Variants in PDE10A observed in about 807,000 individuals in gnomAD.
PDE10A encodes the protein cAMP and cAMP-inhibited cGMP 3',5'-cyclic phosphodiesterase 10A.
Under a neutral mutation model 97.7 loss-of-function variants are expected in PDE10A, and 39 were observed. The ratio of observed to expected loss-of-function variants is 0.40; its 90% confidence interval spans 0.31 to 0.52. The LOEUF (loss-of-function observed/expected upper bound fraction) is 0.52, where lower values mean the gene tolerates loss of function less well. Among genes scored for constraint, PDE10A ranks in the 20% least tolerant of loss-of-function variants. The pLI is 0.56. For missense variants in PDE10A, 731 were observed against 1,047.8 expected (o/e 0.70, Z 4.17); for synonymous variants, 371 against 376.8 (o/e 0.98, Z 0.18).
chr6:165,623,680 G>C, intron 1 of PDE10A, among the ~76,000 whole-genome samples: 1 of 152,166 alleles, frequency 6.6e-6, no homozygotes, highest in East Asian at 1.9e-4. Context: ...GGGGTCACCA[G>C]TGGCCTCTCA....
intron 1 of PDE10A, among the ~76,000 whole-genome samples, chr6:165,767,908 T>C (rs1024181645): frequency 6.6e-6 from 1 of 152,242 alleles, no homozygotes; most frequent in African/African-American, 2.4e-5. Context: ...ATGAGGGTTC[T>C]AATTTCTCCA....
At chr6:165,689,636 A>T (rs960548477) in intron 1 of PDE10A, among the ~76,000 whole-genome samples, 1 of 152,084 alleles carries the variant, frequency 6.6e-6, no homozygotes. Context: ...TCACTATGCG[A>T]TGCACCAGTC....
intron 13 of PDE10A, among the ~76,000 whole-genome samples, chr6:165,404,986 C>T (rs1382017175): frequency 2.6e-5 from 4 of 152,046 alleles, no homozygotes; most frequent in African/African-American, 9.7e-5. Context: ...CACCTACTGT[C>T]TATGGCACCA....
intron 1 of PDE10A, among the ~76,000 whole-genome samples, chr6:165,714,939 G>T (rs938602950): frequency 4.0e-5 from 3 of 75,728 alleles, no homozygotes; most frequent in African/African-American, 3.8e-4. Context: ...AACCCCCTCA[G>T]TGGGTTGTTC....
intron 18 of PDE10A, among the ~76,000 whole-genome samples, chr6:165,358,303 T>C (rs1319832525): frequency 6.6e-6 from 1 of 151,982 alleles, no homozygotes; most frequent in Admixed American, 6.6e-5. Context: ...TATAAAACTC[T>C]CCAACTAGGA....
At chr6:165,515,978 C>A (rs1490501123) in intron 2 of PDE10A, among the ~76,000 whole-genome samples, 1 of 152,144 alleles carries the variant, frequency 6.6e-6, no homozygotes, top group Non-Finnish European at 1.5e-5. Context: ...AGAGAGCAAT[C>A]TACTCCAAAG....
At chr6:165,368,679 G>C (rs1029590746) in intron 18 of PDE10A, among the ~76,000 whole-genome samples, 6 of 152,176 alleles carry the variant, frequency 3.9e-5, no homozygotes, top group Non-Finnish European at 7.3e-5. Context: ...AAAAAGCAGT[G>C]ATTTCAGACT....
At chr6:165,880,930 T>C (rs1323308862) in intron 1 of PDE10A, among the ~76,000 whole-genome samples, 1 of 152,254 alleles carries the variant, frequency 6.6e-6, no homozygotes, top group African/African-American at 2.4e-5. Flanking sequence ...CATATGTTTC[T>C]AATTCCTTTA....
chr6:165,594,277 C>T (rs1479581890), intron 1 of PDE10A, among the ~76,000 whole-genome samples: 1 of 151,994 alleles, frequency 6.6e-6, no homozygotes, highest in Non-Finnish European at 1.5e-5. Context: ...AAATGTTGTG[C>T]CAAGAGAGCA....
In PDE10A at chr6:165,661,827, C is replaced by T; in HGVS notation, c.865+120G>A. 3 of 580,168 alleles carry T rather than the reference C, an allele frequency of 5.2e-6. No individual in the cohort carries two copies. Among genetic ancestry groups the T allele is most frequent in the Non-Finnish European group, 9.5e-6 (3 of 315,636 alleles). The allele number at this position is 580,168 out of a possible 1,614,324, so 35.9% of individuals were successfully genotyped here. A position where few individuals can be genotyped will look rare whatever the true frequency, so the allele number is the denominator to read the frequency against. On this transcript the variant is annotated intron_variant, in intron 1 of 21. Coordinates refer to ENST00000539869, the MANE Select transcript of PDE10A (RefSeq NM_001385079.1). The surrounding 1 kb of genome is among the most constrained non-coding windows in gnomAD (Gnocchi z 4.8). ...CCAGAGAAGCCCCCTGGGCGCTCCA[C>T]GCCCGGGCACGGGCACCTCGCTCGA...
At chr6:165,335,342 C>T (rs141557561) in intron 21 of PDE10A, among the ~76,000 whole-genome samples, 16 of 152,226 alleles carry the variant, frequency 1.1e-4, no homozygotes, top group African/African-American at 3.9e-4. Flanking sequence ...CCTCTTCCTG[C>T]ACAGGCATCC....
chr6:165,816,246 G>T (rs552487793), intron 1 of PDE10A, among the ~76,000 whole-genome samples: 2 of 152,230 alleles, frequency 1.3e-5, no homozygotes, highest in African/African-American at 4.8e-5. Context: ...ACTGCGCCTG[G>T]CCCAGGCTCA....
intron 1 of PDE10A, among the ~76,000 whole-genome samples, chr6:165,945,072 A>G (rs1416249765): frequency 2.0e-5 from 3 of 152,244 alleles, no homozygotes; most frequent in African/African-American, 4.8e-5. Context: ...TGTGACCAAC[A>G]GAACCCAGAA....
intron 1 of PDE10A, among the ~76,000 whole-genome samples, chr6:165,768,405 T>C (rs1191117816): frequency 1.3e-5 from 2 of 152,188 alleles, no homozygotes; most frequent in East Asian, 3.9e-4. Flanking sequence ...AGTTTTACTT[T>C]TAGATTTTAC....
chr6:165,482,387 A>G, intron 2 of PDE10A, 44 bp from the exon 3 acceptor site: 1 of 1,484,206 alleles, frequency 6.7e-7, no homozygotes, highest in Non-Finnish European at 9.4e-7. Flanking sequence ...TTAGCGACTG[A>G]GTAGGTTTTA....
intron 1 of PDE10A, among the ~76,000 whole-genome samples, chr6:165,977,247 G>A (rs1784876509): frequency 6.6e-6 from 1 of 152,202 alleles, no homozygotes; most frequent in Non-Finnish European, 1.5e-5. Flanking sequence ...AAGCAGTTTG[G>A]GAAAGATAGC....
intron 1 of PDE10A, among the ~76,000 whole-genome samples, chr6:165,846,993 G>A (rs1780439094): frequency 6.6e-6 from 1 of 152,236 alleles, no homozygotes; most frequent in South Asian, 2.1e-4. Flanking sequence ...TGGCCTTTGG[G>A]TGGGACAACT....
At position 165,661,740 on chromosome 6, in the gene PDE10A, C is replaced by G. The variant is rs1790275774; in HGVS notation, c.865+207G>C. Among the ~76,000 whole-genome samples, 1 of 152,226 alleles carries G rather than the reference C, an allele frequency of 6.6e-6. No individual in the cohort carries two copies. The highest frequency in any genetic ancestry group is 2.1e-4 in the South Asian group (1 of 4,828). On this transcript the variant is annotated intron_variant, in intron 1 of 21. Transcript: ENST00000539869. The surrounding 1 kb of genome is among the most constrained non-coding windows in gnomAD (Gnocchi z 4.8). ...CGAGCGCTCGCGGAGCCTGGGAAAC[C>G]CCGGCGTCCCTGCGCGGCCGAACGC...
chr6:165,691,193 CTCTCTCTCCCCACA>C (rs750825874), intron 1 of PDE10A, among the ~76,000 whole-genome samples: 3,084 of 65,366 alleles, frequency 0.047, 84 homozygotes, highest in Non-Finnish European at 0.066. Context: ...CTCTCCCTCT[CTCTCTCTCCCCACA>C]CACACACACA....
Sources: allele counts gnomAD v4.1 joint callset (sites outside exome capture counted in the v4.1 genomes callset), GRCh38; gene constraint gnomAD v4.1.1; non-coding constraint Gnocchi (gnomAD v3.1); transcripts MANE v1.5; gene names NCBI Gene and HGNC (gene_info 2026-07-23, HGNC 2026-07-21).